Variants in FOCAD observed in about 807,000 individuals in gnomAD.
The protein encoded by FOCAD is KIAA1797.
In FOCAD, 198 loss-of-function variants were observed where a neutral mutation model predicts 225.6. The ratio of observed to expected loss-of-function variants is 0.88; its 90% CI spans 0.78 to 0.99. The LOEUF is 0.99. FOCAD is among the 50% of genes least tolerant of loss of function. The pLI, the probability that FOCAD is intolerant of heterozygous loss-of-function variation, is 0.00. For synonymous variants in FOCAD, 897 were observed against 755.0 expected (o/e 1.19, Z -3.08); for missense variants, 2,713 against 2,123.6 (o/e 1.28, Z -5.46).
intron 1 of FOCAD, among the ~76,000 whole-genome samples, chr9:20,713,448 C>T (rs1321629175): frequency 6.6e-6 from 1 of 152,206 alleles, no homozygotes; most frequent in Admixed American, 6.5e-5. Flanking sequence ...AAGAGACTGA[C>T]CTGGACTACC....
chr9:20,705,150 G>T (rs1428520518), intron 1 of FOCAD, among the ~76,000 whole-genome samples: 1 of 152,104 alleles, frequency 6.6e-6, no homozygotes, highest in Non-Finnish European at 1.5e-5. Flanking sequence ...TTAGAATATT[G>T]CCTTTCCCCT....
intron 15 of FOCAD, among the ~76,000 whole-genome samples, chr9:20,836,020 T>G (rs1825962669): frequency 6.6e-6 from 1 of 152,118 alleles, no homozygotes; most frequent in Admixed American, 6.6e-5. Flanking sequence ...TTGGCTATTC[T>G]ATCCCCTTTT....
At chr9:20,666,790 G>A (rs762661551) in intron 2 of FOCAD, among the ~76,000 whole-genome samples, 6 of 152,160 alleles carry the variant, frequency 3.9e-5, no homozygotes, top group Non-Finnish European at 8.8e-5. Flanking sequence ...TCTGCGAAGA[G>A]TTTGATTAAA....
At chr9:20,898,131 G>A (rs954751065) in intron 21 of FOCAD, among the ~76,000 whole-genome samples, 63 of 151,472 alleles carry the variant, frequency 4.2e-4, no homozygotes, top group African/African-American at 1.3e-3. Flanking sequence ...TATATGTATG[G>A]TATCTTTCCC....
intron 8 of FOCAD, 94 bp downstream of exon 8, chr9:20,770,332 A>G: frequency 8.6e-7 from 1 of 1,167,998 alleles, no homozygotes. Context: ...TAATTGGCTT[A>G]CAGTCTGGCA....
Position 20,783,762 on chromosome 9 carries a change from G to A in FOCAD, c.1197+1833G>A, listed in dbSNP as rs963374027. The stretch of plus-strand genomic sequence containing the variant: ...GAACACTAATTGTAAATTCTAAAGG[G>A]CTTGAAACATTCTGCTTCCTCCTTG... On this transcript the variant is annotated intron_variant, in intron 10 of 43. Transcript: ENST00000338382. 2.8e-4 allele frequency among the ~76,000 whole-genome samples: 43 copies of A among 151,976 alleles called. 2 individuals are homozygous for A. Among genetic ancestry groups the A allele is most frequent in the African/African-American group, 4.8e-5 (2 of 41,386 alleles).
intron 11 of FOCAD, among the ~76,000 whole-genome samples, chr9:20,804,854 A>AG (rs1822243009): frequency 6.6e-6 from 1 of 150,706 alleles, no homozygotes. Context: ...GGAAAAAAAA[A>AG]TCAGTGGCGG....
At chr9:20,814,242 C>G (rs1430741377) in intron 11 of FOCAD, among the ~76,000 whole-genome samples, 1 of 152,008 alleles carries the variant, frequency 6.6e-6, no homozygotes, top group Non-Finnish European at 1.5e-5. Context: ...TTGCTTTTGT[C>G]TGTCTTATAG....
chr9:20,835,473 A>G (rs544017913), intron 15 of FOCAD, among the ~76,000 whole-genome samples: 6 of 152,096 alleles, frequency 3.9e-5, no homozygotes, highest in Non-Finnish European at 5.9e-5. Flanking sequence ...AAATTTTACT[A>G]TCAGCCATTG....
intron 1 of FOCAD, among the ~76,000 whole-genome samples, chr9:20,688,151 A>G (rs1822773976): frequency 6.6e-6 from 1 of 152,226 alleles, no homozygotes; most frequent in African/African-American, 2.4e-5. Context: ...TCTGGAGGCT[A>G]TGTTGATCCA....
intron 5 of FOCAD, among the ~76,000 whole-genome samples, chr9:20,751,994 T>G (rs1479483591): frequency 1.4e-5 from 2 of 145,440 alleles, no homozygotes; most frequent in Non-Finnish European, 3.0e-5. Context: ...CGCCCACTTT[T>G]TGATGGGGTT....
chr9:20,789,274 A>G (rs1306854542), intron 10 of FOCAD, 77 bp from the exon 11 acceptor site: 28 of 1,495,336 alleles, frequency 1.9e-5, no homozygotes, highest in Non-Finnish European at 2.3e-5. Flanking sequence ...ACAATGAAAT[A>G]TAAGAATGCC....
chr9:20,871,129 T>C (rs1587460822), intron 18 of FOCAD, among the ~76,000 whole-genome samples: 1 of 151,724 alleles, frequency 6.6e-6, no homozygotes, highest in African/African-American at 2.4e-5. Context: ...GCTTGAACCC[T>C]GGAGGTGGAG....
chr9:20,793,724 T>A (rs1458216259), intron 11 of FOCAD, among the ~76,000 whole-genome samples: 1 of 152,182 alleles, frequency 6.6e-6, no homozygotes, highest in African/African-American at 2.4e-5. Context: ...CCAGTAGGTT[T>A]GCTTCTGGTT....
In FOCAD at chr9:20,947,576, A is replaced by G. The variant is rs953316385; in HGVS notation, c.3676-695A>G. Among the ~76,000 whole-genome samples, 42 of 152,104 alleles carry G rather than the reference A, an allele frequency of 2.8e-4. 1 individual carries two copies. Among genetic ancestry groups the G allele is most frequent in the African/African-American group, 7.7e-4 (32 of 41,430 alleles). ...AAAGATTCTGGAGATGGATGGTGGT[A>G]TTGATTGCATAGCAGTATGAGTGTA... On this transcript the variant is annotated intron_variant, in intron 30 of 43. Transcript: ENST00000338382.
chr9:20,740,913 G>A (rs1376821846), intron 5 of FOCAD, among the ~76,000 whole-genome samples: 1 of 152,138 alleles, frequency 6.6e-6, no homozygotes, highest in Non-Finnish European at 1.5e-5. Context: ...TCAAGGGAGG[G>A]AATCATACTT....
At chr9:20,742,314 A>G (rs1161389014) in intron 5 of FOCAD, among the ~76,000 whole-genome samples, 3 of 152,170 alleles carry the variant, frequency 2.0e-5, no homozygotes, top group Admixed American at 1.3e-4. Context: ...AATGAGTACA[A>G]AGTGGTGTGT....
intron 11 of FOCAD, among the ~76,000 whole-genome samples, chr9:20,815,396 C>T (rs1049515832): frequency 2.6e-5 from 4 of 151,214 alleles, no homozygotes; most frequent in East Asian, 1.9e-4. Flanking sequence ...CCTAACACCT[C>T]GGCCTCCCAA....
intron 15 of FOCAD, among the ~76,000 whole-genome samples, chr9:20,851,617 G>T (rs1827667436): frequency 6.6e-6 from 1 of 151,834 alleles, no homozygotes; most frequent in Non-Finnish European, 1.5e-5. Context: ...CAGCTTCTGT[G>T]TCACCTGGCA....
Sources: gnomAD v4.1 joint callset for allele counts (sites outside exome capture counted in the v4.1 genomes callset) on GRCh38, gnomAD v4.1.1 for gene constraint, MANE v1.5 for transcripts, NCBI Gene and HGNC (gene_info 2026-07-23, HGNC 2026-07-21) for gene names.